Variants in SLC45A2 observed in about 807,000 individuals in gnomAD.
The protein encoded by SLC45A2 is membrane-associated transporter protein.
A neutral mutation model predicts 45.5 loss-of-function variants in SLC45A2; 36 were observed. The ratio of observed to expected loss-of-function variants is 0.79; its 90% CI spans 0.61 to 1.04. The LOEUF is 1.04. SLC45A2 is among the 50% of genes least tolerant of loss of function. The pLI is 0.00. For missense variants in SLC45A2, 719 were observed against 671.0 expected (o/e 1.07, Z -0.79); for synonymous variants, 306 against 269.3 (o/e 1.14, Z -1.33).
At position 33,944,679 on chromosome 5, in the gene SLC45A2, A is replaced by C. The variant is rs1337229589; in HGVS notation, c.1562T>G (p.Phe521Cys). Reference protein sequence around the residue: ...ASAVALIGCCFVALFVRYVD With the variant: ...ASAVALIGCCCVALFVRYVD ...CACATATCTAACAAAGAGAGCGACA[A>C]AGCAACAGCCTATCAGTGCCACCGC... Residue 521 changes from phenylalanine (F) to cysteine (C), a missense_variant, in exon 7 of 7, where the codon TTT becomes TGT. Transcript: ENST00000296589. The C allele has an allele frequency of 2.5e-6, 4 of 1,614,200 alleles. No homozygotes were observed. The South Asian group carries it at 4.4e-5, about 18-fold the overall frequency.
intron 1 of SLC45A2, 24 bp from the exon 2 acceptor site, chr5:33,982,436 C>A: frequency 6.2e-7 from 1 of 1,609,920 alleles, no homozygotes; most frequent in South Asian, 1.1e-5. Context: ...AAACATTGGT[C>A]TCCTAAATCC....
intron 5 of SLC45A2, among the ~76,000 whole-genome samples, chr5:33,947,962 G>A (rs1424204896): frequency 6.6e-6 from 1 of 152,186 alleles, no homozygotes; most frequent in African/African-American, 2.4e-5. Context: ...TCCCAGACTG[G>A]TAAGGGGCTC....
At chr5:33,950,214 A>AT (rs1460893213) in intron 5 of SLC45A2, among the ~76,000 whole-genome samples, 1 of 152,076 alleles carries the variant, frequency 6.6e-6, no homozygotes, top group African/African-American at 2.4e-5. Context: ...AACAAAAAAA[A>AT]GCATGAGGGT....
chr5:33,970,939 TA>T (rs1264102636), intron 2 of SLC45A2: 2 of 433,276 alleles, frequency 4.6e-6, no homozygotes, highest in African/African-American at 4.1e-5. Context: ...GGCACCATCT[TA>T]AGGAGCTAAG....
intron 2 of SLC45A2, among the ~76,000 whole-genome samples, chr5:33,981,870 G>T (rs1046363819): frequency 1.3e-5 from 2 of 152,210 alleles, no homozygotes; most frequent in African/African-American, 2.4e-5. Flanking sequence ...TGGAGAAGGA[G>T]CCCAGGCAAC....
chr5:33,982,522 T>C, intron 1 of SLC45A2, 110 bp from the exon 2 acceptor site: 1 of 1,147,318 alleles, frequency 8.7e-7, no homozygotes, highest in Non-Finnish European at 1.2e-6. Context: ...GCTTTTATTT[T>C]GCTTTTTTCC....
intron 2 of SLC45A2, among the ~76,000 whole-genome samples, chr5:33,966,340 A>G (rs552038935): frequency 9.9e-5 from 15 of 152,150 alleles, no homozygotes; most frequent in Non-Finnish European, 2.1e-4. Context: ...TTCTGGGGAT[A>G]TAAACATAAA....
At chr5:33,951,124 G>A (rs1752083723) in intron 5 of SLC45A2, among the ~76,000 whole-genome samples, 1 of 152,128 alleles carries the variant, frequency 6.6e-6, no homozygotes, top group South Asian at 2.1e-4. Context: ...CTGAGCTAAG[G>A]TCATTTTGCA....
chr5:33,981,074 A>G (rs1347716820), intron 2 of SLC45A2, among the ~76,000 whole-genome samples: 1 of 152,136 alleles, frequency 6.6e-6, no homozygotes. Flanking sequence ...AAGGGAAGCC[A>G]AGAGCAAAGG....
chr5:33,983,606 T>C (rs983273841), intron 1 of SLC45A2, among the ~76,000 whole-genome samples: 1 of 152,264 alleles, frequency 6.6e-6, no homozygotes, highest in Admixed American at 6.5e-5. Flanking sequence ...AATGCAACTT[T>C]ATTGTACTAC....
In SLC45A2 at chr5:33,946,902, A is replaced by G. The variant is rs535100107; in HGVS notation, c.1368+261T>C. ...AGCCTCACCAAGCCTTTTTCTAATT[A>G]GAAAAATGGGAGTAACACTTCTTGC... On this transcript the variant is annotated intron_variant, in intron 6 of 6. Transcript: ENST00000296589. 695 of 1,404,786 alleles carry G rather than the reference A, an allele frequency of 4.9e-4. 6 individuals carry two copies. In the South Asian group the frequency reaches 9.3e-3, roughly 19 times the overall value. The allele number at this position is 1,404,786 out of a possible 1,614,324, so 87.0% of individuals were successfully genotyped here.
chr5:33,984,473 C>T lies in SLC45A2; in HGVS notation c.111G>A (p.Met37Ile). 6.2e-7 allele frequency: 1 copy of T among 1,613,674 alleles called. No individual in the cohort carries two copies. The highest frequency in any genetic ancestry group is 8.5e-7 in the Non-Finnish European group (1 of 1,180,028). Residue 37 changes from methionine to isoleucine, a missense_variant, in exon 1 of 7, where the codon ATG becomes ATA. By Grantham distance (10) the Met-to-Ile change is conservative. Transcript: ENST00000296589. ...PPKRPTSRLI[M>I]HSMAMFGREF... Reference sequence around the variant, plus strand: ...CTCTTCCGAACATGGCCATGCTGTGCATGATGAGTCTGCTGGTGGGTCTTT... The same window carrying T: ...CTCTTCCGAACATGGCCATGCTGTGTATGATGAGTCTGCTGGTGGGTCTTT...
At position 33,951,413 on chromosome 5, in the gene SLC45A2, G is replaced by T. The variant is rs1299282856; in HGVS notation, c.1156+141C>A. ...GATGCTTTATATGGTCCTTTTTAAG[G>T]TGATAGTTTTTCCTGACGTCCATAG... On this transcript the variant is annotated intron_variant, in intron 5 of 6. Transcript: ENST00000296589. 4 of 1,584,918 alleles carry T rather than the reference G, an allele frequency of 2.5e-6. No individual in the cohort carries two copies. The African/African-American group carries it at 5.4e-5, about 21-fold the overall frequency.
chr5:33,947,187 C>T lies in SLC45A2; in HGVS notation c.1344G>A (p.Glu448=), dbSNP rs1220241839. ...LYTVPFNLIT[E]YHREEEKERQ... ...CCTCCTTTTCTTCCTCGCGGTGGTA[C>T]TCAGTAATGAGGTTAAAGGGCACAG... Residue 448 remains glutamate, a synonymous_variant, in exon 6 of 7, where the codon GAG becomes GAA. Transcript: ENST00000296589. 3 of 1,614,192 alleles carry T rather than the reference C, an allele frequency of 1.9e-6. No individual in the cohort carries two copies. The highest frequency in any genetic ancestry group is 2.2e-5 in the South Asian group (2 of 91,084).
chr5:33,963,802 T>C lies in SLC45A2; in HGVS notation c.777A>G (p.Pro259=), dbSNP rs765425532. Residue 259 remains proline (P), a synonymous_variant, in exon 3 of 7, where the codon CCA becomes CCG. Transcript: ENST00000296589. ...ACTCGTACATTCCATCTGATGACAA[T>C]GGAGGGTCCTGAGGGGTTTGCTGTG... is the stretch of plus-strand genomic sequence containing the variant. ...IPPQQTPQDP[P]LSSDGMYEYG... The C allele has an allele frequency of 3.1e-6, 5 of 1,614,070 alleles. No homozygotes were observed. Among genetic ancestry groups the C allele is most frequent in the East Asian group, 2.2e-5 (1 of 44,894 alleles).
At chr5:33,968,048 C>T (rs558305849) in intron 2 of SLC45A2, among the ~76,000 whole-genome samples, 56 of 151,352 alleles carry the variant, frequency 3.7e-4, no homozygotes, top group African/African-American at 1.3e-3. Flanking sequence ...TAGAATAGTA[C>T]AACACGACAT....
intron 5 of SLC45A2, among the ~76,000 whole-genome samples, chr5:33,950,102 C>G (rs1241543800): frequency 6.6e-6 from 1 of 151,954 alleles, no homozygotes; most frequent in South Asian, 2.1e-4. Context: ...AGGGCTGGGA[C>G]TTGCTTGAGC....
rs186226180 is a variant in SLC45A2, at chr5:33,980,345, A to G, written c.562+1891T>C. Among the ~76,000 whole-genome samples, 1,334 of 152,242 alleles carry G rather than the reference A, an allele frequency of 8.8e-3. 16 individuals carry two copies. Among genetic ancestry groups the G allele is most frequent in the Non-Finnish European group, 0.012 (789 of 68,010 alleles). ...CTGCCATCATGGCCAGTTTCAAGCC[A>G]GCAATATGATGTCAACAAGTTCACT... On this transcript the variant is annotated intron_variant, in intron 2 of 6. Transcript: ENST00000296589.
At chr5:33,946,978 C>CTGGGA (rs1751948788) in intron 6 of SLC45A2, 185 bp downstream of exon 6, 25 of 1,534,478 alleles carry the variant, frequency 1.6e-5, no homozygotes, top group Non-Finnish European at 2.2e-5. Context: ...GACAGGACAG[C>CTGGGA]TGGGCTGGGC....
Sources: gnomAD v4.1 joint callset for allele counts (sites outside exome capture counted in the v4.1 genomes callset) on GRCh38, gnomAD v4.1.1 for gene constraint, MANE v1.5 for transcripts, NCBI Gene and HGNC (gene_info 2026-07-23, HGNC 2026-07-21) for gene names.